NMT1: variants seen among roughly 807,000 people sequenced by gnomAD.
The protein encoded by NMT1 is glycylpeptide N-tetradecanoyltransferase 1.
NMT1 carries 12 observed loss-of-function variants against 63.4 expected under a neutral mutation model. The ratio of observed to expected loss-of-function variants is 0.19; its 90% confidence interval spans 0.12 to 0.31. The LOEUF is 0.31. NMT1 is among the 10% of genes least tolerant of loss of function. The pLI is 1.00. For synonymous variants in NMT1, 228 were observed against 234.3 expected, an observed-to-expected ratio of 0.97 and a Z score of 0.25; for missense variants, 432 against 634.6, an observed-to-expected ratio of 0.68 and a Z score of 3.43.
At chr17:45,063,140 G>A (rs546390689) in intron 1 of NMT1, among the ~76,000 whole-genome samples, 72 of 146,274 alleles carry the variant, frequency 4.9e-4, no homozygotes, top group Middle Eastern at 3.5e-3. Context: ...AGGAGGCAGA[G>A]CTTGCAGTGA....
At chr17:45,075,006 G>C (rs1054863976) in intron 1 of NMT1, among the ~76,000 whole-genome samples, 1 of 152,104 alleles carries the variant, frequency 6.6e-6, no homozygotes, top group African/African-American at 2.4e-5. Flanking sequence ...TTGAGCCCAG[G>C]AGTTTGAGCC....
In NMT1 at chr17:45,068,279, C is replaced by T. The variant is rs1036154330; in HGVS notation, c.131+6819C>T. ...TTGAGGTCAGGAGTTCGAGACCAGC[C>T]GGGCCAACATGGCAAAACCCCATCT... is the stretch of plus-strand genomic sequence containing the variant. On this transcript the variant is annotated intron_variant, in intron 1 of 11. Transcript: ENST00000258960. Among the ~76,000 whole-genome samples, 7 of 152,260 alleles carry T rather than the reference C, an allele frequency of 4.6e-5. No individual in the cohort carries two copies. In the East Asian group the frequency reaches 7.7e-4, roughly 17 times the overall value.
At chr17:45,083,698 A>C (rs932794908) in intron 2 of NMT1, 1 of 152,162 alleles carries the variant, frequency 6.6e-6, no homozygotes, top group African/African-American at 2.4e-5. Context: ...CCGCAGCCTC[A>C]ACCTCCTGGG....
intron 3 of NMT1, among the ~76,000 whole-genome samples, chr17:45,090,638 G>T (rs1317056903): frequency 6.6e-6 from 1 of 152,026 alleles, no homozygotes; most frequent in African/African-American, 2.4e-5. Context: ...TCATTTCTCC[G>T]AAGTCCTTCA....
At chr17:45,081,538 A>G (rs1342983754) in intron 1 of NMT1, 106 bp from the exon 2 acceptor site, 9 of 999,166 alleles carry the variant, frequency 9.0e-6, no homozygotes, top group Non-Finnish European at 1.4e-5. Context: ...TCTGAAGCCA[A>G]CAGGCTTGAT....
At chr17:45,101,347 G>C (rs1350504520) in intron 8 of NMT1, among the ~76,000 whole-genome samples, 2 of 147,986 alleles carry the variant, frequency 1.4e-5, no homozygotes, top group Admixed American at 1.3e-4. Flanking sequence ...CCCTTCTCAG[G>C]TGGGCGGTGG....
chr17:45,103,361 C>G lies in NMT1; in HGVS notation c.1164+240C>G, dbSNP rs1567872810. ...TAACACAAAATAGAGAGAACTGAGC[C>G]CCGCTTAATCCTTCAGGAAAGCCTG... On this transcript the variant is annotated intron_variant, in intron 9 of 11. Coordinates refer to ENST00000258960, the MANE Select transcript of NMT1 (RefSeq NM_021079.5). This position sits in a 1 kb window ranked among gnomAD's most constrained non-coding sequence, Gnocchi z 4.8. 6.6e-6 allele frequency among the ~76,000 whole-genome samples: 1 copy of G among 152,180 alleles called. No homozygotes were observed. The highest frequency in any genetic ancestry group is 2.4e-5 in the African/African-American group (1 of 41,430).
chr17:45,072,070 A>G (rs1043080291), intron 1 of NMT1, among the ~76,000 whole-genome samples: 2 of 152,114 alleles, frequency 1.3e-5, no homozygotes, highest in Non-Finnish European at 2.9e-5. Context: ...TGGGCAACAT[A>G]GAGAAACTTT....
intron 1 of NMT1, among the ~76,000 whole-genome samples, chr17:45,064,245 T>C (rs556013156): frequency 1.3e-5 from 2 of 152,278 alleles, no homozygotes; most frequent in Admixed American, 1.3e-4. Flanking sequence ...CCTTAAAAAC[T>C]TTGACAGTTT....
At chr17:45,101,701 C>T (rs1471666398) in intron 8 of NMT1, among the ~76,000 whole-genome samples, 3 of 151,584 alleles carry the variant, frequency 2.0e-5, no homozygotes, top group Admixed American at 6.6e-5. Context: ...GTCATCAGTG[C>T]ACACAGTCAC....
intron 4 of NMT1, among the ~76,000 whole-genome samples, chr17:45,095,558 C>T (rs188555389): frequency 6.6e-6 from 1 of 152,204 alleles, no homozygotes; most frequent in Admixed American, 6.5e-5. Context: ...CCCAGGAGTT[C>T]AAAATCAATC....
intron 8 of NMT1, among the ~76,000 whole-genome samples, chr17:45,100,862 C>CAAAAAAAAAAAAAAAAAAA (rs71136069): frequency 3.1e-5 from 1 of 32,592 alleles, no homozygotes; most frequent in Non-Finnish European, 5.0e-5. Flanking sequence ...GACTCCGTCT[C>CAAAAAAAAAAAAAAAAAAA]AAAAAAAAAA....
Position 45,101,192 on chromosome 17 carries a change from C to A in NMT1, c.993+1679C>A, listed in dbSNP as rs1189764364. ...GAGCGAGACTCCATCTCAAAAAAAA[C>A]AACAACAACAAAAAAAGGATTTTGC... On this transcript the variant is annotated intron_variant, in intron 8 of 11. Coordinates refer to ENST00000258960, the MANE Select transcript of NMT1 (RefSeq NM_021079.5). 2.6e-5 allele frequency among the ~76,000 whole-genome samples: 4 copies of A among 151,008 alleles called. No homozygotes were observed. In the East Asian group the frequency reaches 6.1e-4, roughly 23 times the overall value.
chr17:45,098,310 GCACGTGCTTGATGGGAT>G (rs2054139302), intron 6 of NMT1, 55 bp from the exon 7 acceptor site: 6 of 1,448,860 alleles, frequency 4.1e-6, no homozygotes, highest in Non-Finnish European at 5.7e-6. Context: ...AGGTGTGGCT[GCACGTGCTTGATGGGAT>G]CACCATTCCC....
chr17:45,073,589 C>T (rs2053956981), intron 1 of NMT1, among the ~76,000 whole-genome samples: 2 of 152,172 alleles, frequency 1.3e-5, no homozygotes, highest in South Asian at 2.1e-4. Context: ...AAACATGACT[C>T]ACTTTCCTCA....
At chr17:45,092,722 GAAAA>G (rs2054097007) in intron 3 of NMT1, among the ~76,000 whole-genome samples, 1 of 91,752 alleles carries the variant, frequency 1.1e-5, no homozygotes, top group Non-Finnish European at 2.0e-5. Context: ...AAAAAAAAAA[GAAAA>G]GAAAAGAAAA....
At chr17:45,073,140 T>C (rs1433160081) in intron 1 of NMT1, among the ~76,000 whole-genome samples, 3 of 151,742 alleles carry the variant, frequency 2.0e-5, no homozygotes, top group Non-Finnish European at 4.4e-5. Context: ...AGATGTAGTC[T>C]GGCCGGGCGC....
Position 45,103,203 on chromosome 17 carries a change from A to G in NMT1, c.1164+82A>G. On this transcript the variant is annotated intron_variant, in intron 9 of 11. Transcript: ENST00000258960. This position sits in a 1 kb window ranked among gnomAD's most constrained non-coding sequence, Gnocchi z 4.8. Reference sequence around the variant, plus strand: ...TGAGTGGCCGGGTTCCCAGGGCTCGAGTGTTGGCACCTTAGACTTCCTTGA... The same window carrying G: ...TGAGTGGCCGGGTTCCCAGGGCTCGGGTGTTGGCACCTTAGACTTCCTTGA... 1 of 1,367,940 alleles carries G rather than the reference A, an allele frequency of 7.3e-7. No individual in the cohort carries two copies. The highest frequency in any genetic ancestry group is 1.4e-5 in the African/African-American group (1 of 70,120). 84.7% of individuals were successfully genotyped at this position (1,367,940 alleles called of 1,614,324 possible). A position where few individuals can be genotyped will look rare whatever the true frequency, so the allele number is the denominator to read the frequency against.
chr17:45,092,805 G>T (rs1004456206), intron 3 of NMT1, among the ~76,000 whole-genome samples: 1 of 152,078 alleles, frequency 6.6e-6, no homozygotes, highest in Non-Finnish European at 1.5e-5. Context: ...TCTATACAGA[G>T]CCCTTTGCTA....
Sources: gnomAD v4.1 joint callset for allele counts (sites outside exome capture counted in the v4.1 genomes callset) on GRCh38, gnomAD v4.1.1 for gene constraint, Gnocchi (gnomAD v3.1) non-coding constraint, MANE v1.5 for transcripts, NCBI Gene and HGNC (gene_info 2026-07-23, HGNC 2026-07-21) for gene names.